The following OXTR variants were observed in gnomAD, a reference collection of about 807,000 sequenced individuals.
OXTR encodes oxytocin receptor.
A neutral mutation model predicts 23.9 loss-of-function variants in OXTR; 19 were observed. That is an observed-to-expected ratio of 0.80 (90% CI 0.56 to 1.17). The LOEUF (loss-of-function observed/expected upper bound fraction) is 1.17, where lower values mean the gene tolerates loss of function less well. OXTR is among the 50% of genes most tolerant of loss of function. The probability of loss-of-function intolerance (pLI) is 0.00; values close to 1 mark genes in which losing one functional copy is unlikely to be tolerated. For synonymous variants in OXTR, 278 were observed against 250.5 expected (o/e 1.11, Z -1.04); for missense variants, 500 against 550.7 (o/e 0.91, Z 0.92).
chr3:8,754,286 C>G (rs1353707388), intron 3 of OXTR, among the ~76,000 whole-genome samples: 1 of 152,172 alleles, frequency 6.6e-6, no homozygotes, highest in Non-Finnish European at 1.5e-5. Flanking sequence ...CTAGGTACTT[C>G]CAAGCACGGG....
chr3:8,741,764 C>G, the OXTR span, among the ~76,000 whole-genome samples: 5 of 152,130 alleles, frequency 3.3e-5, no homozygotes, highest in African/African-American at 1.2e-4. Flanking sequence ...TTTTCGACCC[C>G]GGGTGACTGT....
intron 3 of OXTR, among the ~76,000 whole-genome samples, chr3:8,765,941 A>G (rs917659817): frequency 6.6e-6 from 1 of 152,206 alleles, no homozygotes; most frequent in African/African-American, 2.4e-5. Flanking sequence ...TGATTTTCAG[A>G]AAGGACCAAA....
At chr3:8,747,089 T>A (rs894019692), downstream of OXTR, among the ~76,000 whole-genome samples, 1 of 151,858 alleles carries the variant, frequency 6.6e-6, no homozygotes, top group Non-Finnish European at 1.5e-5. Context: ...CCCATTTAAG[T>A]CTCATATAAT....
chr3:8,760,798 A>G (rs2125001362), intron 3 of OXTR, among the ~76,000 whole-genome samples: 1 of 152,340 alleles, frequency 6.6e-6, no homozygotes, highest in African/African-American at 2.4e-5. Context: ...GCAAGGCCAT[A>G]GGAACTTGTG....
chr3:8,745,504 C>T, downstream of OXTR: 1 of 1,599,820 alleles, frequency 6.3e-7, no homozygotes, highest in Non-Finnish European at 8.6e-7. The surrounding 1 kb of genome is among the most constrained non-coding windows in gnomAD (Gnocchi z 4.8). Flanking sequence ...TGAGTTGAGG[C>T]TTCCCCTTGC....
At chr3:8,766,780 C>T (rs1280304499) in intron 3 of OXTR, among the ~76,000 whole-genome samples, 1 of 152,318 alleles carries the variant, frequency 6.6e-6, no homozygotes, top group Non-Finnish European at 1.5e-5. Flanking sequence ...AACCAGACTT[C>T]TTGGCTTCAG....
chr3:8,761,449 A>G (rs925874267), intron 3 of OXTR, among the ~76,000 whole-genome samples: 3 of 152,142 alleles, frequency 2.0e-5, no homozygotes, highest in African/African-American at 7.2e-5. Context: ...ACAAGCGCCC[A>G]GGAGATCCCC....
Position 8,763,217 on chromosome 3 carries a change from C to G in OXTR, c.922+4049G>C, listed in dbSNP as rs71314308. ...TGCTGTCCACTCCCATTCCCTCCAC[C>G]CAGGCTCAAGACAAGAATCCCCATC... On this transcript the variant is annotated intron_variant, in intron 3 of 3. Transcript: ENST00000316793. Among the ~76,000 whole-genome samples, 433 of 152,314 alleles carry G rather than the reference C, an allele frequency of 2.8e-3. 2 individuals carry two copies. Among genetic ancestry groups the G allele is most frequent in the Non-Finnish European group, 5.4e-3 (365 of 68,020 alleles).
intron 3 of OXTR, among the ~76,000 whole-genome samples, chr3:8,759,933 G>C (rs552506733): frequency 6.6e-6 from 1 of 152,204 alleles, no homozygotes; most frequent in Admixed American, 6.5e-5. Flanking sequence ...CCCAGCCTAG[G>C]GTACCTCTAA....
chr3:8,741,539 TG>T, the OXTR span, among the ~76,000 whole-genome samples: 4 of 152,144 alleles, frequency 2.6e-5, 1 homozygote, highest in African/African-American at 9.6e-5. Context: ...TGTGTAGAGT[TG>T]AAAAAAGAAA....
At position 8,752,816 on chromosome 3, in the gene OXTR, T is replaced by C. The variant is rs1310773914; in HGVS notation, c.*161A>G. 1.4e-6 allele frequency: 1 copy of C among 697,628 alleles called. No individual in the cohort carries two copies. 43.2% of individuals were successfully genotyped at this position (697,628 alleles called of 1,614,324 possible). A position where few individuals can be genotyped will look rare whatever the true frequency, so the allele number is the denominator to read the frequency against. The stretch of plus-strand genomic sequence containing the variant: ...TGGCTGAGTCCCCTATCATCTTCCA[T>C]CATGGAGGCCACTCTCCACCCCACT... On this transcript the variant is annotated 3_prime_UTR_variant, in exon 4 of 4. Transcript: ENST00000316793.
At chr3:8,746,019 A>G (rs1225601798), downstream of OXTR, 4 of 631,606 alleles carry the variant, frequency 6.3e-6, no homozygotes, top group Non-Finnish European at 8.1e-6. Flanking sequence ...GAAGCCAGAA[A>G]GAAAAGACGG....
chr3:8,767,601 C>A lies in OXTR; in HGVS notation c.587G>T (p.Gly196Val). 6.2e-7 allele frequency: 1 copy of A among 1,613,408 alleles called. No homozygotes were observed. The highest frequency in any genetic ancestry group is 8.5e-7 in the Non-Finnish European group (1 of 1,179,768). The change falls in exon 3 of 4, where the codon GGA becomes GTA. Residue 196 changes from glycine to valine, a missense_variant. Transcript: ENST00000316793. ...DCWAVFIQPW[G>V]PKAYITWITL... ...GATCCATGTGATGTAGGCCTTGGGT[C>A]CCCAGGGCTGGATGAAGACGGCCCA...
chr3:8,752,758 G>C lies in OXTR; in HGVS notation c.*219C>G. ...GGGCAGCAGTGGGTTCAGGGTGGTAGAAGTACGTGTAGGAGGCCAGGGTGT... is the reference window on the plus strand; with the variant it reads ...GGGCAGCAGTGGGTTCAGGGTGGTACAAGTACGTGTAGGAGGCCAGGGTGT... On this transcript the variant is annotated 3_prime_UTR_variant, in exon 4 of 4. Transcript: ENST00000316793. 1 of 569,152 alleles carries C rather than the reference G, an allele frequency of 1.8e-6. No homozygotes were observed. Among genetic ancestry groups the C allele is most frequent in the Non-Finnish European group, 3.1e-6 (1 of 322,322 alleles). The allele number at this position is 569,152 out of a possible 1,614,324, so 35.3% of individuals were successfully genotyped here.
intron 3 of OXTR, among the ~76,000 whole-genome samples, chr3:8,761,049 G>T (rs73810975): frequency 6.6e-6 from 1 of 152,214 alleles, no homozygotes; most frequent in Non-Finnish European, 1.5e-5. Flanking sequence ...CGTGGAGGAC[G>T]GGAATGCTGT....
chr3:8,763,894 T>A (rs1399439569), intron 3 of OXTR, among the ~76,000 whole-genome samples: 1 of 152,206 alleles, frequency 6.6e-6, no homozygotes, highest in Non-Finnish European at 1.5e-5. Flanking sequence ...ATTATTACTA[T>A]TATTGTAATA....
At position 8,767,481 on chromosome 3, in the gene OXTR, G is replaced by A; in HGVS notation, c.707C>T (p.Ala236Val). Residue 236 changes from alanine to valine, a missense_variant, in exon 3 of 4, where the codon GCT becomes GTT. Transcript: ENST00000316793. Reference protein sequence around the residue: ...KIWQNLRLKTAAAAAAEAPEG... With the variant: ...KIWQNLRLKTVAAAAAEAPEG... ...TGGCGCCTCGGCCGCCGCCGCTGCA[G>A]CGGTCTTGAGCCGCAAGTTCTGCCA... 1 of 1,606,778 alleles carries A rather than the reference G, an allele frequency of 6.2e-7. No homozygotes were observed. Among genetic ancestry groups the A allele is most frequent in the Non-Finnish European group, 8.5e-7 (1 of 1,176,682 alleles).
In OXTR at chr3:8,751,365, T is replaced by A. The variant is rs1708254688; in HGVS notation, c.*1612A>T. 6.6e-6 allele frequency: 1 copy of A among 152,170 alleles called. No homozygotes were observed. The highest frequency in any genetic ancestry group is 1.5e-5 in the Non-Finnish European group (1 of 68,032). The allele number at this position is 152,170 out of a possible 1,614,324, so 9.4% of individuals were successfully genotyped here. A position where few individuals can be genotyped will look rare whatever the true frequency, so the allele number is the denominator to read the frequency against. On this transcript the variant is annotated 3_prime_UTR_variant, in exon 4 of 4. Transcript: ENST00000316793. ...CACCTTCTTGATAGGGTCTTTTCAA[T>A]CACAAAAGCTTCAAATCTTGATTAA...
At chr3:8,741,510 A>G in the OXTR span, among the ~76,000 whole-genome samples, 3 of 152,170 alleles carry the variant, frequency 2.0e-5, no homozygotes, top group Non-Finnish European at 4.4e-5. Context: ...GTCATTACAG[A>G]TCTTGGCCCA....
Sources: gnomAD v4.1 joint callset for allele counts (sites outside exome capture counted in the v4.1 genomes callset) on GRCh38, gnomAD v4.1.1 for gene constraint, Gnocchi (gnomAD v3.1) non-coding constraint, MANE v1.5 for transcripts, NCBI Gene and HGNC (gene_info 2026-07-23, HGNC 2026-07-21) for gene names.